MBNL3: variants seen among roughly 807,000 people sequenced by gnomAD.
The protein encoded by MBNL3 is muscleblind-like protein 3.
MBNL3 carries 6 observed loss-of-function variants against 24.5 expected under a neutral mutation model. That is an observed-to-expected ratio of 0.25 (90% CI 0.13 to 0.48). MBNL3 has a LOEUF of 0.48. Among genes scored for constraint, MBNL3 ranks in the 20% least tolerant of loss-of-function variants. The pLI is 0.99. For synonymous variants in MBNL3, 100 were observed against 101.7 expected (o/e 0.98, Z 0.10); for missense variants, 230 against 293.5 (o/e 0.78, Z 1.58).
intron 8 of MBNL3, among the ~76,000 whole-genome samples, chrX:132,380,428 C>A (rs375178416): frequency 1.2e-4 from 13 of 111,784 alleles, no homozygotes; most frequent in African/African-American, 3.9e-4. Context: ...CTTCAGTTAT[C>A]CCATGTGCTC....
chrX:132,404,101 T>G (rs1297783334), intron 3 of MBNL3, among the ~76,000 whole-genome samples: 17 of 111,429 alleles, frequency 1.5e-4, no homozygotes, highest in African/African-American at 5.5e-4. Context: ...CATATAGTAT[T>G]TGTTTTTTCT....
chrX:132,445,762 T>G (rs1485148658), intron 1 of MBNL3, among the ~76,000 whole-genome samples: 3 of 111,700 alleles, frequency 2.7e-5, no homozygotes, highest in African/African-American at 9.8e-5. Flanking sequence ...GTACAAGAAC[T>G]TGCTAATAAA....
chrX:132,440,794 A>G (rs1223073067), intron 1 of MBNL3, among the ~76,000 whole-genome samples: 3 of 112,669 alleles, frequency 2.7e-5, no homozygotes, highest in African/African-American at 9.7e-5. Flanking sequence ...AACCAGCTAC[A>G]ATTTCTAGCA....
chrX:132,449,977 GCCCCC>G lies in MBNL3; in HGVS notation c.-703-9668_-703-9664del, dbSNP rs59387058. Among the ~76,000 whole-genome samples, 49 of 25,463 alleles carry G rather than the reference GCCCCC, an allele frequency of 1.9e-3. 3 individuals carry two copies. Among genetic ancestry groups the G allele is most frequent in the African/African-American group, 6.5e-3 (46 of 7,082 alleles). 22.1% of individuals were successfully genotyped at this position (25,463 alleles called of 115,157 possible). On this transcript the variant is annotated intron_variant, in intron 1 of 8. Transcript: ENST00000370853. Reference sequence around the variant, plus strand: ...ATTTTCTTTAAGAATGCTGAATATTGCCCCCCCCCCCCCCCCGCCACTTCTGGCTT... The same window carrying G: ...ATTTTCTTTAAGAATGCTGAATATTGCCCCCCCCCCCGCCACTTCTGGCTT...
At chrX:132,481,201 A>T (rs1299815923) in intron 1 of MBNL3, among the ~76,000 whole-genome samples, 1 of 111,859 alleles carries the variant, frequency 8.9e-6, no homozygotes, top group African/African-American at 3.3e-5. Context: ...GTTTTCTTAG[A>T]TGGCTAAAAA....
At chrX:132,411,161 C>T in intron 2 of MBNL3, 6 of 754,150 alleles carry the variant, frequency 8.0e-6, no homozygotes, top group Non-Finnish European at 9.4e-6. Context: ...CCAAGTACCC[C>T]CCACCATTGC....
intron 1 of MBNL3, among the ~76,000 whole-genome samples, chrX:132,488,547 TAAAA>T: frequency 9.0e-6 from 1 of 110,792 alleles, no homozygotes. Flanking sequence ...AATTCGTTGT[TAAAA>T]AGCATTTGCT....
At position 132,387,745 on chromosome X, in the gene MBNL3, A is replaced by T. The variant is rs892581280; in HGVS notation, c.772-934T>A. On this transcript the variant is annotated intron_variant, in intron 5 of 8. Transcript: ENST00000370853. ...TCACGCAGGTACTATGTAGATAGTT[A>T]GCAAAATATATGCAGTTCTTATTTA... is the stretch of plus-strand genomic sequence containing the variant. Among the ~76,000 whole-genome samples the T allele has an allele frequency of 3.6e-5, 4 of 112,403 alleles. No homozygotes were observed. The Admixed American group carries it at 3.8e-4, about 11-fold the overall frequency.
At chrX:132,443,984 T>C (rs1945534363) in intron 1 of MBNL3, among the ~76,000 whole-genome samples, 3 of 6,154 alleles carry the variant, frequency 4.9e-4, no homozygotes, top group African/African-American at 6.1e-4. Context: ...GACTCCAGAG[T>C]CCGCCCCCCC....
intron 1 of MBNL3, among the ~76,000 whole-genome samples, chrX:132,461,953 C>T (rs1946649852): frequency 8.9e-6 from 1 of 111,891 alleles, no homozygotes; most frequent in South Asian, 3.7e-4. Flanking sequence ...TGCAAGCAGA[C>T]CTGAAACTAT....
At chrX:132,413,880 G>GT (rs1603226099) in intron 2 of MBNL3, among the ~76,000 whole-genome samples, 1 of 111,879 alleles carries the variant, frequency 8.9e-6, no homozygotes, top group African/African-American at 3.2e-5. Context: ...AGGCTTTTAA[G>GT]TTTTTTAAGG....
At chrX:132,457,208 A>C (rs193225901) in intron 1 of MBNL3, among the ~76,000 whole-genome samples, 2 of 111,909 alleles carry the variant, frequency 1.8e-5, no homozygotes, top group East Asian at 5.6e-4. Context: ...AAATTTTTTA[A>C]AAAAAGATTT....
chrX:132,426,111 A>G lies in MBNL3; in HGVS notation c.177+13324T>C, dbSNP rs183016620. On this transcript the variant is annotated intron_variant, in intron 2 of 8. Coordinates refer to ENST00000370853, the MANE Select transcript of MBNL3 (RefSeq NM_001386889.1). ...GTACCTCTCAGTTGAGCCCATATTT[A>G]TTCTCCCTCTTTCAAAGTGTTTCAA... Among the ~76,000 whole-genome samples the G allele has an allele frequency of 7.0e-3, 787 of 111,950 alleles. 1 individual carries two copies. Among genetic ancestry groups the G allele is most frequent in the Non-Finnish European group, 0.01 (545 of 53,086 alleles).
chrX:132,411,117 G>A, intron 2 of MBNL3: 1 of 750,514 alleles, frequency 1.3e-6, no homozygotes, highest in Non-Finnish European at 1.6e-6. Flanking sequence ...CAAAATTAAT[G>A]AGGCTGAACG....
chrX:132,419,898 C>A (rs1001101127), intron 2 of MBNL3, among the ~76,000 whole-genome samples: 1 of 112,071 alleles, frequency 8.9e-6, no homozygotes, highest in Non-Finnish European at 1.9e-5. Context: ...CACAACAATT[C>A]TATTCTGTGA....
chrX:132,446,081 T>C (rs1034237283), intron 1 of MBNL3, among the ~76,000 whole-genome samples: 1 of 112,015 alleles, frequency 8.9e-6, no homozygotes, highest in Non-Finnish European at 1.9e-5. Context: ...TTGCTGAGAA[T>C]GATGGTTTCC....
At chrX:132,479,894 G>A (rs1170383966) in intron 1 of MBNL3, among the ~76,000 whole-genome samples, 1 of 111,157 alleles carries the variant, frequency 9.0e-6, no homozygotes, top group Non-Finnish European at 1.9e-5. Flanking sequence ...AGTTGGGGGT[G>A]GGGGGCGCTG....
rs981729135 is a variant in MBNL3 at position 132,374,534 on chromosome X, C to G, written c.*5132G>C. 1 of 111,152 alleles carries G rather than the reference C, an allele frequency of 9.0e-6. No individual in the cohort carries two copies. The highest frequency in any genetic ancestry group is 1.9e-5 in the Non-Finnish European group (1 of 52,853). 9.2% of individuals were successfully genotyped at this position (111,152 alleles called of 1,213,427 possible). A position where few individuals can be genotyped will look rare whatever the true frequency, so the allele number is the denominator to read the frequency against. ...TTAGTTAAGTCTTAGAGCAAAAACA[C>G]CCTCCTTTTCAAAGCCTTAGAAATA... On this transcript the variant is annotated 3_prime_UTR_variant, in exon 9 of 9. Transcript: ENST00000370853.
At chrX:132,448,593 C>T (rs1945869630) in intron 1 of MBNL3, among the ~76,000 whole-genome samples, 1 of 111,262 alleles carries the variant, frequency 9.0e-6, no homozygotes, top group African/African-American at 3.3e-5. Context: ...AATCCAGCTC[C>T]TAGATTCATT....
Sources: allele counts gnomAD v4.1 joint callset (sites outside exome capture counted in the v4.1 genomes callset), GRCh38; gene constraint gnomAD v4.1.1; transcripts MANE v1.5; gene names NCBI Gene and HGNC (gene_info 2026-07-23, HGNC 2026-07-21).